Variants in TMEM132D observed in about 807,000 individuals in gnomAD.
TMEM132D encodes the protein transmembrane protein 132D.
TMEM132D carries 21 observed loss-of-function variants against 62.3 expected under a neutral mutation model. The observed-to-expected ratio is 0.34, with a 90% CI of 0.24 to 0.49. The LOEUF (loss-of-function observed/expected upper bound fraction) is 0.49, where lower values mean the gene tolerates loss of function less well. Among genes scored for constraint, TMEM132D ranks in the 20% least tolerant of loss-of-function variants. TMEM132D has a pLI of 0.99. For missense variants in TMEM132D, 1,346 were observed against 1,402.8 expected, an observed-to-expected ratio of 0.96 and a Z score of 0.65; for synonymous variants, 621 against 575.6, an observed-to-expected ratio of 1.08 and a Z score of -1.13.
chr12:129,174,865 A>G (rs988681970), intron 5 of TMEM132D, among the ~76,000 whole-genome samples: 9 of 152,224 alleles, frequency 5.9e-5, no homozygotes, highest in East Asian at 1.9e-4. Flanking sequence ...TGTCGGCTGC[A>G]TACATGTCTT....
chr12:129,620,919 G>A (rs1421098118), intron 2 of TMEM132D, among the ~76,000 whole-genome samples: 8 of 152,272 alleles, frequency 5.3e-5, no homozygotes, highest in Middle Eastern at 3.4e-3. Context: ...GCAAACCACC[G>A]TGGCACACGT....
chr12:129,559,467 G>A (rs1043713872), intron 2 of TMEM132D, among the ~76,000 whole-genome samples: 2 of 152,134 alleles, frequency 1.3e-5, no homozygotes, highest in South Asian at 2.1e-4. Context: ...AGCACAACTC[G>A]CCCACACAAA....
chr12:129,184,562 G>A (rs1878165663), intron 5 of TMEM132D, among the ~76,000 whole-genome samples: 1 of 152,208 alleles, frequency 6.6e-6, no homozygotes. Context: ...GGTGGATTTT[G>A]GGCTGGGGTG....
chr12:129,445,151 T>C (rs889962025), intron 3 of TMEM132D, among the ~76,000 whole-genome samples: 2 of 152,180 alleles, frequency 1.3e-5, no homozygotes, highest in Non-Finnish European at 2.9e-5. Context: ...CAATATCATG[T>C]CCTTTGCAGC....
At chr12:129,308,599 T>C (rs908653677) in intron 4 of TMEM132D, among the ~76,000 whole-genome samples, 2 of 152,188 alleles carry the variant, frequency 1.3e-5, no homozygotes, top group Admixed American at 6.5e-5. Flanking sequence ...TGTTTAGAAA[T>C]CATAAATTGA....
chr12:129,133,107 C>T (rs149295597), intron 5 of TMEM132D, among the ~76,000 whole-genome samples: 53 of 152,312 alleles, frequency 3.5e-4, no homozygotes, highest in Non-Finnish European at 6.6e-4. Context: ...TCGGGGGTTC[C>T]TCCCTAATCC....
chr12:129,593,470 A>G (rs1322802367), intron 2 of TMEM132D, among the ~76,000 whole-genome samples: 1 of 152,236 alleles, frequency 6.6e-6, no homozygotes, highest in Non-Finnish European at 1.5e-5. Context: ...GAAATGAATC[A>G]GGTCTCAGAC....
At chr12:129,162,568 T>C (rs569673837) in intron 5 of TMEM132D, among the ~76,000 whole-genome samples, 329 of 152,242 alleles carry the variant, frequency 2.2e-3, no homozygotes, top group African/African-American at 7.5e-3. Flanking sequence ...TGGGGCCTGG[T>C]GGGAGGTATT....
At chr12:129,261,410 G>A (rs1280378708) in intron 4 of TMEM132D, among the ~76,000 whole-genome samples, 1 of 152,168 alleles carries the variant, frequency 6.6e-6, no homozygotes, top group African/African-American at 2.4e-5. Context: ...CCCTGCACAT[G>A]CTCTCTTGCC....
chr12:129,096,519 C>A (rs925282536), intron 5 of TMEM132D, among the ~76,000 whole-genome samples: 3 of 152,200 alleles, frequency 2.0e-5, no homozygotes, highest in Admixed American at 6.5e-5. Context: ...TGGCCAGACC[C>A]TTGAACCACC....
chr12:129,092,303 C>CTTTTTTTTT (rs3045890), intron 5 of TMEM132D, among the ~76,000 whole-genome samples: 3 of 133,888 alleles, frequency 2.2e-5, no homozygotes, highest in Non-Finnish European at 3.1e-5. Flanking sequence ...TCTCTCTTTC[C>CTTTTTTTTT]TTTTTTTTTT....
chr12:129,864,595 C>A (rs1234634588), intron 1 of TMEM132D, among the ~76,000 whole-genome samples: 1 of 152,152 alleles, frequency 6.6e-6, no homozygotes, highest in Non-Finnish European at 1.5e-5. Flanking sequence ...AGGAGACTGC[C>A]TGAGAAGGAA....
intron 2 of TMEM132D, among the ~76,000 whole-genome samples, chr12:129,595,388 G>A (rs1878308438): frequency 6.6e-6 from 1 of 152,216 alleles, no homozygotes; most frequent in Non-Finnish European, 1.5e-5. Context: ...TCTGTGAGGT[G>A]TCTCAAATGA....
At chr12:129,356,423 C>T (rs1870050825) in intron 3 of TMEM132D, among the ~76,000 whole-genome samples, 2 of 146,728 alleles carry the variant, frequency 1.4e-5, no homozygotes, top group Admixed American at 6.8e-5. Flanking sequence ...TCCCAAAGTG[C>T]TGGGATTACA....
At chr12:129,089,271 A>G (rs867130099) in intron 5 of TMEM132D, among the ~76,000 whole-genome samples, 5 of 18,180 alleles carry the variant, frequency 2.8e-4, no homozygotes, top group Admixed American at 1.6e-3. Flanking sequence ...CATGACCGGG[A>G]TGTCCTCCAT....
intron 4 of TMEM132D, among the ~76,000 whole-genome samples, chr12:129,310,806 A>T (rs1881953761): frequency 6.6e-6 from 1 of 152,144 alleles, no homozygotes; most frequent in African/African-American, 2.4e-5. Context: ...GCACACCTCA[A>T]CCAAGCCTTT....
chr12:129,475,351 C>A (rs10773669), intron 3 of TMEM132D, among the ~76,000 whole-genome samples: 1 of 151,990 alleles, frequency 6.6e-6, no homozygotes, highest in East Asian at 1.9e-4. Flanking sequence ...GGCATTCCAT[C>A]CTTGTGTGAA....
At chr12:129,166,203 A>G (rs909456249) in intron 5 of TMEM132D, among the ~76,000 whole-genome samples, 2 of 152,206 alleles carry the variant, frequency 1.3e-5, no homozygotes, top group African/African-American at 2.4e-5. Flanking sequence ...CGTGGGCTCT[A>G]TGTAAATGGA....
intron 1 of TMEM132D, among the ~76,000 whole-genome samples, chr12:129,799,054 C>A: frequency 6.6e-6 from 1 of 151,994 alleles, no homozygotes; most frequent in East Asian, 1.9e-4. Flanking sequence ...TCACAAGGTC[C>A]GGAGATGGAG....
Sources: gnomAD v4.1 joint callset for allele counts (sites outside exome capture counted in the v4.1 genomes callset) on GRCh38, gnomAD v4.1.1 for gene constraint, MANE v1.5 for transcripts, NCBI Gene and HGNC (gene_info 2026-07-23, HGNC 2026-07-21) for gene names.